Variants in PCBD2 observed in about 807,000 individuals in gnomAD.
The protein encoded by PCBD2 is pterin-4 alpha-carbinolamine dehydratase 2, also known as pterin-4-alpha-carbinolamine dehydratase 2.
A neutral mutation model predicts 16.4 loss-of-function variants in PCBD2; 12 were observed. The observed-to-expected ratio is 0.73, with a 90% confidence interval of 0.47 to 1.19. The LOEUF (loss-of-function observed/expected upper bound fraction) is 1.19. Among genes scored for constraint, PCBD2 ranks in the 50% most tolerant of loss-of-function variants. The pLI is 0.00. For missense variants in PCBD2, 138 were observed against 156.8 expected, an observed-to-expected ratio of 0.88 and a Z score of 0.64; for synonymous variants, 58 against 61.8, an observed-to-expected ratio of 0.94 and a Z score of 0.29.
At position 134,961,810 on chromosome 5, in the gene PCBD2, G is replaced by A. The variant is rs1382943896; in HGVS notation, c.*1129G>A. Among the ~76,000 whole-genome samples the A allele has an allele frequency of 1.3e-5, 2 of 152,120 alleles. No homozygotes were observed. Among genetic ancestry groups the A allele is most frequent in the Non-Finnish European group, 2.9e-5 (2 of 68,012 alleles). ...GGGGTCTCGCTCTGCTGCCCAGGCT[G>A]GAGTGCAGTGGCAGGATCACGGTTT... On this transcript the variant is annotated 3_prime_UTR_variant, in exon 4 of 4. Transcript: ENST00000254908.
At chr5:134,953,944 A>G (rs575971244) in intron 2 of PCBD2, among the ~76,000 whole-genome samples, 1 of 152,094 alleles carries the variant, frequency 6.6e-6, no homozygotes, top group South Asian at 2.1e-4. Context: ...TTTCAGTCCT[A>G]GTGCTTATGT....
In PCBD2 at chr5:134,940,221, T is replaced by A. The variant is rs193244142; in HGVS notation, c.217-18819T>A. 2.6e-5 allele frequency among the ~76,000 whole-genome samples: 4 copies of A among 152,322 alleles called. No individual in the cohort carries two copies. The East Asian group carries it at 7.7e-4, about 29-fold the overall frequency. On this transcript the variant is annotated intron_variant, in intron 2 of 3. Coordinates refer to ENST00000254908, the MANE Select transcript of PCBD2 (RefSeq NM_032151.5). ...TTAAAGTTAAAGCAGAGTACCACTT[T>A]TGTAAATAAAATGAAATCAAACTCT...
At chr5:134,923,196 C>T (rs1441922201) in intron 2 of PCBD2, 1 of 152,562 alleles carries the variant, frequency 6.6e-6, no homozygotes. Context: ...TCCAGGCAAT[C>T]CATACTGTTA....
At chr5:134,930,917 CTT>C (rs2149535339) in intron 2 of PCBD2, among the ~76,000 whole-genome samples, 1 of 152,104 alleles carries the variant, frequency 6.6e-6, no homozygotes, top group South Asian at 2.1e-4. Flanking sequence ...GCTGATTTTT[CTT>C]TTTCTTTTTG....
At chr5:134,918,789 C>A (rs1289355607) in intron 2 of PCBD2, among the ~76,000 whole-genome samples, 1 of 152,092 alleles carries the variant, frequency 6.6e-6, no homozygotes, top group East Asian at 1.9e-4. Flanking sequence ...GTTGGTGTTC[C>A]CTTTGGAGTT....
intron 2 of PCBD2, among the ~76,000 whole-genome samples, chr5:134,953,793 T>A (rs1257397293): frequency 6.6e-6 from 1 of 152,150 alleles, no homozygotes; most frequent in Admixed American, 6.6e-5. Context: ...AGAGTGAGAC[T>A]CCATCTTAAT....
Position 134,959,020 on chromosome 5 carries a change from C to T in PCBD2, c.217-20C>T, listed in dbSNP as rs1751443884. On this transcript the variant is annotated intron_variant, in intron 2 of 3. Transcript: ENST00000254908. The stretch of plus-strand genomic sequence containing the variant: ...GTAGAGGACAATGTCAGTAATTACT[C>T]TTGACTTCATCTTATGCAGGCATTT... The T allele has an allele frequency of 6.2e-7, 1 of 1,604,252 alleles. No homozygotes were observed. The highest frequency in any genetic ancestry group is 1.1e-5 in the South Asian group (1 of 90,680).
chr5:134,940,893 G>A (rs189682610), intron 2 of PCBD2, among the ~76,000 whole-genome samples: 79 of 152,136 alleles, frequency 5.2e-4, no homozygotes, highest in Non-Finnish European at 1.2e-4. Context: ...ACTTTGGAAG[G>A]CCGAGGAAGG....
At chr5:134,949,263 A>C (rs1013191783) in intron 2 of PCBD2, among the ~76,000 whole-genome samples, 2 of 152,084 alleles carry the variant, frequency 1.3e-5, no homozygotes, top group Non-Finnish European at 2.9e-5. Context: ...GAGCCTTGTA[A>C]AGGTGAATTT....
At chr5:134,915,622 A>AT (rs969891685) in intron 2 of PCBD2, among the ~76,000 whole-genome samples, 56 of 147,716 alleles carry the variant, frequency 3.8e-4, no homozygotes, top group African/African-American at 7.0e-4. Flanking sequence ...TAATTTTTGA[A>AT]TTTTTTTTTG....
At chr5:134,917,927 G>T (rs1750852833) in intron 2 of PCBD2, among the ~76,000 whole-genome samples, 1 of 152,198 alleles carries the variant, frequency 6.6e-6, no homozygotes. Context: ...TAGGCTTATG[G>T]TGAACATTTT....
intron 2 of PCBD2, among the ~76,000 whole-genome samples, chr5:134,912,304 A>G (rs1750779055): frequency 6.6e-6 from 1 of 152,198 alleles, no homozygotes; most frequent in African/African-American, 2.4e-5. Flanking sequence ...TTCTGCGTGT[A>G]CCATGGCCTG....
chr5:134,926,520 C>T (rs1483984463), intron 2 of PCBD2: 2 of 394,588 alleles, frequency 5.1e-6, no homozygotes, highest in Non-Finnish European at 4.5e-6. Flanking sequence ...TGGCTGTTAT[C>T]CTTTAAAAGT....
chr5:134,962,510 C>T lies in PCBD2; in HGVS notation c.*1829C>T, dbSNP rs1751490861. Among the ~76,000 whole-genome samples, 1 of 152,120 alleles carries T rather than the reference C, an allele frequency of 6.6e-6. No homozygotes were observed. The highest frequency in any genetic ancestry group is 6.5e-5 in the Admixed American group (1 of 15,272). ...TCAAATGATCTTCCTGCCTTGACCC[C>T]CCAAAGTGCTGGGATTACAGGCGTG... is the stretch of plus-strand genomic sequence containing the variant. On this transcript the variant is annotated 3_prime_UTR_variant, in exon 4 of 4. Transcript: ENST00000254908.
intron 2 of PCBD2, among the ~76,000 whole-genome samples, chr5:134,919,382 A>G (rs747202087): frequency 9.2e-5 from 14 of 152,202 alleles, no homozygotes; most frequent in Non-Finnish European, 1.9e-4. Context: ...TTGTGGGTTT[A>G]AATCTGTGCC....
At chr5:134,905,601 C>A in intron 1 of PCBD2, 1 of 187,952 alleles carries the variant, frequency 5.3e-6, no homozygotes, top group Non-Finnish European at 1.1e-5. Flanking sequence ...GGGCCTGGCT[C>A]CCTATGGCGG....
intron 1 of PCBD2, among the ~76,000 whole-genome samples, chr5:134,907,288 A>T (rs543170705): frequency 1.6e-4 from 25 of 152,372 alleles, no homozygotes; most frequent in African/African-American, 5.5e-4. Context: ...TCTGTTGCCC[A>T]GACTGGAGTG....
At position 134,918,829 on chromosome 5, in the gene PCBD2, C is replaced by T. The variant is rs568357073; in HGVS notation, c.216+8363C>T. Among the ~76,000 whole-genome samples the T allele has an allele frequency of 3.9e-5, 6 of 152,280 alleles. No individual in the cohort carries two copies. The East Asian group carries it at 1.2e-3, about 29-fold the overall frequency. On this transcript the variant is annotated intron_variant, in intron 2 of 3. Coordinates refer to ENST00000254908, the MANE Select transcript of PCBD2 (RefSeq NM_032151.5). ...CTGAGCAGGACCACGCTGATGCTCCCAGGAGGTGGCTAGAATGTCAGTGTT... is the reference window on the plus strand; with the variant it reads ...CTGAGCAGGACCACGCTGATGCTCCTAGGAGGTGGCTAGAATGTCAGTGTT...
At chr5:134,928,888 G>A (rs765998055) in intron 2 of PCBD2, among the ~76,000 whole-genome samples, 16 of 152,172 alleles carry the variant, frequency 1.1e-4, no homozygotes, top group Non-Finnish European at 1.8e-4. Flanking sequence ...CTGGGGAAGT[G>A]TGGGAGAGGA....
Sources: gnomAD v4.1 joint callset for allele counts (sites outside exome capture counted in the v4.1 genomes callset) on GRCh38, gnomAD v4.1.1 for gene constraint, MANE v1.5 for transcripts, NCBI Gene and HGNC (gene_info 2026-07-23, HGNC 2026-07-21) for gene names.